The following JAZF1 variants were observed in gnomAD, a reference collection of about 807,000 sequenced individuals.
The protein encoded by JAZF1 is juxtaposed with another zinc finger protein 1.
A neutral mutation model predicts 26.4 loss-of-function variants in JAZF1; 8 were observed. That is an observed-to-expected ratio of 0.30 (90% CI 0.18 to 0.55). The LOEUF (loss-of-function observed/expected upper bound fraction) is 0.55, where lower values mean the gene tolerates loss of function less well. Among genes scored for constraint, JAZF1 ranks in the 20% least tolerant of loss-of-function variants. JAZF1 has a pLI of 0.94. For missense variants in JAZF1, 199 were observed against 322.0 expected (o/e 0.62, Z 2.92); for synonymous variants, 126 against 122.3 (o/e 1.03, Z -0.20).
At chr7:27,834,773 A>G (rs950031268) in intron 4 of JAZF1, among the ~76,000 whole-genome samples, 6 of 152,174 alleles carry the variant, frequency 3.9e-5, no homozygotes, top group Non-Finnish European at 5.9e-5. Context: ...TCTAGCCCCA[A>G]CTGGTGTCTT....
At chr7:28,042,838 A>G (rs1274886725) in intron 1 of JAZF1, among the ~76,000 whole-genome samples, 1 of 152,226 alleles carries the variant, frequency 6.6e-6, no homozygotes, top group South Asian at 2.1e-4. Flanking sequence ...CTAGGTGTGT[A>G]GCAGGCTCTA....
intron 1 of JAZF1, among the ~76,000 whole-genome samples, chr7:28,054,410 G>A (rs1243291406): frequency 2.0e-5 from 3 of 152,112 alleles, no homozygotes; most frequent in Admixed American, 6.5e-5. Flanking sequence ...GCACTGGAAC[G>A]AAAATGGGTC....
intron 1 of JAZF1, among the ~76,000 whole-genome samples, chr7:28,140,303 G>A (rs1475663809): frequency 1.3e-5 from 2 of 151,842 alleles, no homozygotes; most frequent in South Asian, 2.1e-4. Flanking sequence ...GGCTGGTCTC[G>A]AAGTCCCAAT....
At chr7:28,113,824 G>T (rs1040506840) in intron 1 of JAZF1, among the ~76,000 whole-genome samples, 4 of 152,176 alleles carry the variant, frequency 2.6e-5, no homozygotes, top group Non-Finnish European at 5.9e-5. Flanking sequence ...TCCTCATTCA[G>T]CTGATTATGA....
intron 2 of JAZF1, among the ~76,000 whole-genome samples, chr7:27,942,491 C>A (rs572729758): frequency 6.6e-6 from 1 of 152,328 alleles, no homozygotes; most frequent in African/African-American, 2.4e-5. Flanking sequence ...TGCCAGTCAC[C>A]ATGGGGAGTG....
chr7:28,086,110 T>G (rs1471427706), intron 1 of JAZF1, among the ~76,000 whole-genome samples: 1 of 152,238 alleles, frequency 6.6e-6, no homozygotes, highest in Non-Finnish European at 1.5e-5. Context: ...AAATTATAAT[T>G]CAACATCCCT....
At chr7:27,971,543 T>C (rs1341113139) in intron 2 of JAZF1, among the ~76,000 whole-genome samples, 1 of 152,170 alleles carries the variant, frequency 6.6e-6, no homozygotes, top group Non-Finnish European at 1.5e-5. Flanking sequence ...TTAAGTAATG[T>C]TTCAACTCGA....
intron 3 of JAZF1, among the ~76,000 whole-genome samples, chr7:27,856,028 C>G (rs1328909841): frequency 6.6e-6 from 1 of 152,244 alleles, no homozygotes; most frequent in Non-Finnish European, 1.5e-5. Context: ...ATCGAGTTGG[C>G]TTCATCCCTG....
chr7:28,103,844 G>A (rs1004538372), intron 1 of JAZF1, among the ~76,000 whole-genome samples: 2 of 152,012 alleles, frequency 1.3e-5, no homozygotes, highest in Non-Finnish European at 2.9e-5. Context: ...CAGTCTACTC[G>A]AGACACTGCA....
intron 3 of JAZF1, among the ~76,000 whole-genome samples, chr7:27,857,117 C>A (rs569950437): frequency 6.6e-5 from 10 of 152,178 alleles, no homozygotes; most frequent in African/African-American, 2.4e-4. Context: ...CGGCGCTCGT[C>A]GGGGAGGCTT....
chr7:28,062,302 T>C (rs1009108314), intron 1 of JAZF1, among the ~76,000 whole-genome samples: 1 of 152,144 alleles, frequency 6.6e-6, no homozygotes, highest in East Asian at 1.9e-4. Flanking sequence ...GACCTCAGTG[T>C]TAGGCCTTGT....
At chr7:27,913,197 TA>T (rs886896936) in intron 2 of JAZF1, among the ~76,000 whole-genome samples, 270 of 150,032 alleles carry the variant, frequency 1.8e-3, no homozygotes, top group African/African-American at 6.3e-3. Context: ...CAGCATACAT[TA>T]AAAAAAAATT....
intron 1 of JAZF1, among the ~76,000 whole-genome samples, chr7:28,159,075 T>C (rs897642142): frequency 6.6e-6 from 1 of 151,878 alleles, no homozygotes; most frequent in African/African-American, 2.4e-5. Flanking sequence ...AACAAATACA[T>C]AAAGACAATT....
intron 2 of JAZF1, among the ~76,000 whole-genome samples, chr7:27,941,053 T>C (rs1358153894): frequency 6.6e-6 from 1 of 152,206 alleles, no homozygotes; most frequent in African/African-American, 2.4e-5. Context: ...TTGCATTAAA[T>C]TAAAAGTGCA....
Position 28,110,567 on chromosome 7 carries a change from A to AAAGGGAAAGGG in JAZF1, c.115+69895_115+69896insCCCTTTCCCTT, listed in dbSNP as rs1562591043. ...GGAAAAGGAAAAGGAAAGGGAAAGG[A>AAAGGGAAAGGG]AAAGGGAAAGGGAAAAGGAAAAGGA... is the stretch of plus-strand genomic sequence containing the variant. On this transcript the variant is annotated intron_variant, in intron 1 of 4. Coordinates refer to ENST00000283928, the MANE Select transcript of JAZF1 (RefSeq NM_175061.4). Among the ~76,000 whole-genome samples, 18 of 103,926 alleles carry AAAGGGAAAGGG rather than the reference A, an allele frequency of 1.7e-4. 1 individual carries two copies. Among genetic ancestry groups the AAAGGGAAAGGG allele is most frequent in the African/African-American group, 5.2e-4 (15 of 28,602 alleles). The allele number at this position is 103,926 out of a possible 152,430, so 68.2% of individuals were successfully genotyped here. A position where few individuals can be genotyped will look rare whatever the true frequency, so the allele number is the denominator to read the frequency against.
intron 3 of JAZF1, among the ~76,000 whole-genome samples, chr7:27,849,744 T>TACACACACACACAC (rs1199710288): frequency 5.6e-5 from 3 of 53,578 alleles, no homozygotes; most frequent in African/African-American, 2.7e-4. Context: ...TTGGAACCCT[T>TACACACACACACAC]ACACACAGAC....
At chr7:27,962,702 G>A (rs1017802006) in intron 2 of JAZF1, among the ~76,000 whole-genome samples, 3 of 152,166 alleles carry the variant, frequency 2.0e-5, no homozygotes, top group Admixed American at 2.0e-4. Context: ...AAGAAGATAT[G>A]CAAGGGCTTC....
intron 1 of JAZF1, among the ~76,000 whole-genome samples, chr7:28,088,054 C>G (rs1784236979): frequency 6.6e-6 from 1 of 152,120 alleles, no homozygotes. Flanking sequence ...ATCCTTGCCC[C>G]CCTCATACAG....
At chr7:27,835,420 C>T (rs969352464) in intron 4 of JAZF1, among the ~76,000 whole-genome samples, 2 of 152,142 alleles carry the variant, frequency 1.3e-5, no homozygotes, top group Non-Finnish European at 2.9e-5. Context: ...GGCGCTGTGG[C>T]CCATTCACAG....
Sources: allele counts gnomAD v4.1 joint callset (sites outside exome capture counted in the v4.1 genomes callset), GRCh38; gene constraint gnomAD v4.1.1; transcripts MANE v1.5; gene names NCBI Gene and HGNC (gene_info 2026-07-23, HGNC 2026-07-21).